The following CPNE7 variants were observed in gnomAD, a reference collection of about 807,000 sequenced individuals.
The protein encoded by CPNE7 is copine 7, also known as copine-7.
Under a neutral mutation model 66.5 loss-of-function variants are expected in CPNE7, and 78 were observed. The ratio of observed to expected loss-of-function variants is 1.17; its 90% CI spans 0.98 to 1.42. The LOEUF is 1.42. Ranked by LOEUF, CPNE7 falls within the 40% of genes most tolerant of loss-of-function variation. The probability of loss-of-function intolerance (pLI) is 0.00; values close to 1 mark genes in which losing one functional copy is unlikely to be tolerated. For synonymous variants in CPNE7, 468 were observed against 336.7 expected (o/e 1.39, Z -4.27); for missense variants, 1,012 against 776.6 (o/e 1.30, Z -3.60).
rs900604604 is a variant in CPNE7 at position 89,583,932 on chromosome 16, C to T, written c.433-96C>T. On this transcript the variant is annotated intron_variant, in intron 3 of 14. Coordinates refer to ENST00000319518, the MANE Select transcript of CPNE7 (RefSeq NM_153636.3). ...TACACAGACACCTCCTCTCAGGCCC[C>T]GCTGGGTGGGGTCAGCCAGCCTGGG... 13 of 1,512,890 alleles carry T rather than the reference C, an allele frequency of 8.6e-6. No homozygotes were observed. In the Admixed American group the frequency reaches 1.9e-4, roughly 22 times the overall value. The allele number at this position is 1,512,890 out of a possible 1,614,324, so 93.7% of individuals were successfully genotyped here. A position where few individuals can be genotyped will look rare whatever the true frequency, so the allele number is the denominator to read the frequency against.
rs375258881 is a variant in CPNE7, at chr16:89,596,480, C to G, written c.1540-4C>G. On this transcript the variant is annotated splice_polypyrimidine_tract_variant and splice_region_variant and intron_variant, in intron 14 of 14. Transcript: ENST00000319518. ...AGAGGTAACTGCGTTGTCCCATCCT[C>G]CAGGCATCCCCTGCGGCGCTGGCCA... 8.7e-6 allele frequency: 14 copies of G among 1,604,386 alleles called. No homozygotes were observed. The African/African-American group carries it at 1.5e-4, about 17-fold the overall frequency.
chr16:89,591,972 T>G (rs112959720), intron 13 of CPNE7, among the ~76,000 whole-genome samples: 4 of 150,856 alleles, frequency 2.7e-5, no homozygotes, highest in African/African-American at 9.8e-5. Flanking sequence ...GTGCTGGGAT[T>G]ACAGGCGTGA....
Position 89,576,054 on chromosome 16 carries a change from C to T in CPNE7, c.157C>T (p.Gln53Ter). Residue 53 changes from glutamine to a stop codon, truncating the protein, a stop_gained, in exon 1 of 15, where the codon CAG becomes TAG. Coordinates refer to ENST00000319518, the MANE Select transcript of CPNE7 (RefSeq NM_153636.3). LOFTEE classifies it high-confidence loss of function. ...CAGCGTGGCGTTGCTGCAGCAGGCG[C>T]AGGGCCAGTGGGTGCAGGTAGGGCC... The part of the protein sequence containing the change: ...DPSVALLQQA[Q>*]GQWVQVGRTE... 1 of 1,309,556 alleles carries T rather than the reference C, an allele frequency of 7.6e-7. No homozygotes were observed. The highest frequency in any genetic ancestry group is 2.1e-5 in the South Asian group (1 of 46,848). 81.1% of individuals were successfully genotyped at this position (1,309,556 alleles called of 1,614,324 possible).
At chr16:89,580,573 A>G (rs1292895238) in intron 2 of CPNE7, among the ~76,000 whole-genome samples, 1 of 144,914 alleles carries the variant, frequency 6.9e-6, no homozygotes, top group African/African-American at 2.6e-5. Context: ...ATCACACGGA[A>G]CATCTCACCC....
chr16:89,578,408 C>G lies in CPNE7; in HGVS notation c.357+687C>G, dbSNP rs547875687. 7.2e-5 allele frequency among the ~76,000 whole-genome samples: 11 copies of G among 152,280 alleles called. No individual in the cohort carries two copies. In the South Asian group the frequency reaches 2.3e-3, roughly 32 times the overall value. On this transcript the variant is annotated intron_variant, in intron 2 of 14. Transcript: ENST00000319518. ...AAATACACAAATTACGTTCCCTGTT[C>G]TGCATCCTGCGTTTTCACTTCCACG...
At position 89,588,710 on chromosome 16, in the gene CPNE7, G is replaced by T; in HGVS notation, c.963G>T (p.Pro321=). ...ACTTCACCGCCTCCAATGGAGACCC[G>T]CGGAACAGCTGCTCCCTGCACTACA... ...AIDFTASNGD[P]RNSCSLHYIN... is the part of the protein sequence containing the mutation. The change falls in exon 10 of 15, where the codon CCG becomes CCT. Residue 321 remains proline, a synonymous_variant. Coordinates refer to ENST00000319518, the MANE Select transcript of CPNE7 (RefSeq NM_153636.3). 6.2e-7 allele frequency: 1 copy of T among 1,613,428 alleles called. No individual in the cohort carries two copies. Among genetic ancestry groups the T allele is most frequent in the African/African-American group, 1.3e-5 (1 of 75,034 alleles).
At chr16:89,583,913 G>A (rs917945014) in intron 3 of CPNE7, 115 bp from the exon 4 acceptor site, 9 of 1,456,846 alleles carry the variant, frequency 6.2e-6, no homozygotes, top group Middle Eastern at 2.2e-4. Context: ...GGGGTACACA[G>A]ACACCTCCTC....
At chr16:89,580,837 C>CTGTAA in intron 2 of CPNE7, among the ~76,000 whole-genome samples, 1 of 149,828 alleles carries the variant, frequency 6.7e-6, no homozygotes. Flanking sequence ...ATCCCGTCAC[C>CTGTAA]CATCACACGG....
chr16:89,594,737 T>C (rs2059227330), intron 13 of CPNE7, among the ~76,000 whole-genome samples: 1 of 139,934 alleles, frequency 7.1e-6, no homozygotes, highest in Non-Finnish European at 1.5e-5. Context: ...CTGCACCCTC[T>C]GCCTCCCAAG....
At chr16:89,583,661 G>C in intron 2 of CPNE7, 36 bp from the exon 3 acceptor site, 1 of 1,611,390 alleles carries the variant, frequency 6.2e-7, no homozygotes, top group Non-Finnish European at 8.5e-7. Context: ...AGCCGTCCCC[G>C]CCTGCCCCTC....
chr16:89,594,624 T>C (rs557089741), intron 13 of CPNE7, among the ~76,000 whole-genome samples: 1 of 151,352 alleles, frequency 6.6e-6, no homozygotes, highest in African/African-American at 2.4e-5. Flanking sequence ...GTTGATTTTA[T>C]TTGAAGTTCC....
intron 7 of CPNE7, among the ~76,000 whole-genome samples, chr16:89,586,003 G>T (rs1343617715): frequency 4.9e-5 from 6 of 123,322 alleles, no homozygotes; most frequent in African/African-American, 1.8e-4. Flanking sequence ...TCAGGTGAGG[G>T]GGGCCTCCAG....
intron 14 of CPNE7, 44 bp from the exon 15 acceptor site, chr16:89,596,440 C>T (rs766698324): frequency 3.8e-6 from 6 of 1,569,466 alleles, no homozygotes; most frequent in Middle Eastern, 1.7e-4. Flanking sequence ...GGATGATCTC[C>T]ATCTCGAAGG....
intron 10 of CPNE7, among the ~76,000 whole-genome samples, chr16:89,589,089 T>C (rs947991214): frequency 2.0e-5 from 3 of 152,096 alleles, no homozygotes; most frequent in Non-Finnish European, 2.9e-5. Context: ...GTCAGGAGTT[T>C]GAGACCAGCC....
intron 13 of CPNE7, chr16:89,594,298 G>T (rs1238218466): frequency 6.6e-6 from 1 of 152,320 alleles, no homozygotes; most frequent in Admixed American, 6.5e-5. Flanking sequence ...AGCCGTGGGT[G>T]CTTGTAGGCC....
At chr16:89,581,156 C>T (rs1048006117) in intron 2 of CPNE7, among the ~76,000 whole-genome samples, 18 of 146,608 alleles carry the variant, frequency 1.2e-4, no homozygotes, top group Admixed American at 4.2e-4. Flanking sequence ...TGGAACATCC[C>T]GTCACCCGTC....
intron 7 of CPNE7, 58 bp downstream of exon 7, chr16:89,585,843 C>CCG (rs2059028991): frequency 2.7e-6 from 1 of 373,882 alleles, no homozygotes; most frequent in Non-Finnish European, 4.3e-6. Flanking sequence ...TGGAGGGGGG[C>CCG]CTTCGGGGAG....
At chr16:89,590,883 CG>C in intron 11 of CPNE7, 123 bp from the exon 12 acceptor site, 1 of 849,172 alleles carries the variant, frequency 1.2e-6, no homozygotes, top group Non-Finnish European at 1.7e-6. Flanking sequence ...AGGGCGGGGA[CG>C]GGGGGAGCAG....
At position 89,586,660 on chromosome 16, in the gene CPNE7, C is replaced by A; in HGVS notation, c.781-10C>A. ...CCACTCTGGGGGGCCTCTGCTTGTT[C>A]CTGCCCCAGGCCCAGTGGGACTGTG... On this transcript the variant is annotated splice_polypyrimidine_tract_variant and intron_variant, in intron 7 of 14. Transcript: ENST00000319518. 6.2e-7 allele frequency: 1 copy of A among 1,611,380 alleles called. No individual in the cohort carries two copies. Among genetic ancestry groups the A allele is most frequent in the South Asian group, 1.1e-5 (1 of 90,986 alleles).
Sources: allele counts gnomAD v4.1 joint callset (sites outside exome capture counted in the v4.1 genomes callset), GRCh38; gene constraint gnomAD v4.1.1; transcripts MANE v1.5; gene names NCBI Gene and HGNC (gene_info 2026-07-23, HGNC 2026-07-21).